CSMD1: variants seen among roughly 807,000 people sequenced by gnomAD.
CSMD1 encodes CUB and Sushi multiple domains 1.
A neutral mutation model predicts 417.5 loss-of-function variants in CSMD1; 213 were observed. That is an observed-to-expected ratio of 0.51 (90% CI 0.46 to 0.57). The LOEUF is 0.57. CSMD1 is among the 20% of genes least tolerant of loss of function. The pLI is 0.00. For missense variants in CSMD1, 6,923 were observed against 4,529.7 expected, an observed-to-expected ratio of 1.53 and a Z score of -15.17; for synonymous variants, 2,862 against 1,736.8, an observed-to-expected ratio of 1.65 and a Z score of -16.11.
At chr8:3,160,000 C>G (rs1245777747) in intron 38 of CSMD1, among the ~76,000 whole-genome samples, 2 of 152,164 alleles carry the variant, frequency 1.3e-5, no homozygotes, top group African/African-American at 4.8e-5. Flanking sequence ...ATGGAGGAAA[C>G]ATGATATTTA....
chr8:3,709,738 A>C (rs1801399881), intron 6 of CSMD1, among the ~76,000 whole-genome samples: 1 of 116,148 alleles, frequency 8.6e-6, no homozygotes, highest in Non-Finnish European at 1.7e-5. Context: ...GACTGGAGCT[A>C]AAACACCGGC....
At chr8:3,677,663 A>G (rs954556059) in intron 7 of CSMD1, among the ~76,000 whole-genome samples, 12 of 152,126 alleles carry the variant, frequency 7.9e-5, no homozygotes, top group African/African-American at 2.9e-4. Context: ...AAAGATATCT[A>G]TCCTTTAGGG....
intron 5 of CSMD1, among the ~76,000 whole-genome samples, chr8:3,980,265 G>T (rs1282352350): frequency 6.6e-6 from 1 of 152,170 alleles, no homozygotes; most frequent in African/African-American, 2.4e-5. Context: ...GGGAAAAGCT[G>T]AACTAGCATT....
chr8:3,172,804 C>A (rs1440447554), intron 37 of CSMD1, among the ~76,000 whole-genome samples: 1 of 152,192 alleles, frequency 6.6e-6, no homozygotes, highest in Non-Finnish European at 1.5e-5. Flanking sequence ...TGGCAATTGT[C>A]AGTTTCCATT....
chr8:4,321,239 G>T lies in CSMD1; in HGVS notation c.415+98714C>A, dbSNP rs114936811. Among the ~76,000 whole-genome samples the T allele has an allele frequency of 3.6e-3, 555 of 152,232 alleles. 4 individuals carry two copies. The highest frequency in any genetic ancestry group is 0.012 in the African/African-American group (508 of 41,556). ...AACACGTTCATGAGGCGTGCCTACA[G>T]CTAGTCCCTGTGGCCCACTGATCAT... On this transcript the variant is annotated intron_variant, in intron 3 of 69. Coordinates refer to ENST00000635120, the MANE Select transcript of CSMD1 (RefSeq NM_033225.6).
intron 1 of CSMD1, among the ~76,000 whole-genome samples, chr8:4,845,551 A>G (rs959252181): frequency 2.0e-5 from 3 of 152,238 alleles, no homozygotes; most frequent in Non-Finnish European, 4.4e-5. Flanking sequence ...ACTTTGGCCT[A>G]CGTGGTTTCT....
intron 5 of CSMD1, among the ~76,000 whole-genome samples, chr8:3,925,517 C>T (rs1329110924): frequency 6.6e-6 from 1 of 152,166 alleles, no homozygotes; most frequent in Non-Finnish European, 1.5e-5. Context: ...GCTGGGTCCC[C>T]ACTCAAAACT....
chr8:4,956,625 A>T (rs147988091), intron 1 of CSMD1, among the ~76,000 whole-genome samples: 314 of 151,856 alleles, frequency 2.1e-3, no homozygotes, highest in African/African-American at 7.3e-3. Context: ...AATATATGTA[A>T]ATGCAGAAAA....
At chr8:4,069,947 C>G (rs779236569) in intron 3 of CSMD1, among the ~76,000 whole-genome samples, 27 of 151,878 alleles carry the variant, frequency 1.8e-4, no homozygotes, top group Admixed American at 9.2e-4. Context: ...ATTATTTTTT[C>G]TGTTTGTCTT....
intron 65 of CSMD1, among the ~76,000 whole-genome samples, chr8:2,952,325 A>T (rs936250082): frequency 2.6e-5 from 4 of 152,176 alleles, no homozygotes; most frequent in Admixed American, 1.3e-4. Context: ...TAATGAGGAC[A>T]AAAGTATATT....
chr8:3,299,458 A>G (rs1235581150), intron 25 of CSMD1, among the ~76,000 whole-genome samples: 4 of 152,194 alleles, frequency 2.6e-5, no homozygotes. Context: ...GTCTCAAAAA[A>G]AAAGGAATGC....
At chr8:3,952,077 T>A (rs1811634294) in intron 5 of CSMD1, among the ~76,000 whole-genome samples, 1 of 152,316 alleles carries the variant, frequency 6.6e-6, no homozygotes, top group East Asian at 1.9e-4. Context: ...GTTGTTTGAA[T>A]AAAAATAAAA....
chr8:4,045,079 G>A (rs1009831988), intron 3 of CSMD1, among the ~76,000 whole-genome samples: 2 of 152,142 alleles, frequency 1.3e-5, no homozygotes, highest in African/African-American at 2.4e-5. Context: ...GTATGGTGTG[G>A]AGGCCACAGA....
chr8:4,767,954 G>C (rs767364196), intron 1 of CSMD1, among the ~76,000 whole-genome samples: 1 of 152,042 alleles, frequency 6.6e-6, no homozygotes, highest in Non-Finnish European at 1.5e-5. Flanking sequence ...CTTCGTACTC[G>C]AGGGCGTGGG....
At chr8:4,009,061 TATC>T (rs1305502023) in intron 4 of CSMD1, among the ~76,000 whole-genome samples, 12 of 152,330 alleles carry the variant, frequency 7.9e-5, no homozygotes, top group African/African-American at 2.9e-4. Flanking sequence ...TTTATTGAGT[TATC>T]ATAAAATTCT....
chr8:4,236,035 G>GTTTTTTTTTTTTTTTTTTTTTTTTTTT (rs869046913), intron 3 of CSMD1, among the ~76,000 whole-genome samples: 1 of 112,614 alleles, frequency 8.9e-6, no homozygotes, highest in African/African-American at 3.9e-5. Context: ...TGTTTTTTTT[G>GTTTTTTTTTTTTTTTTTTTTTTTTTTT]TTTGTTTTTT....
intron 2 of CSMD1, among the ~76,000 whole-genome samples, chr8:4,433,988 G>T (rs559674997): frequency 6.6e-6 from 1 of 152,128 alleles, no homozygotes; most frequent in Non-Finnish European, 1.5e-5. Context: ...TTTCTCTTCA[G>T]CCTCAAGATT....
chr8:4,271,378 A>G (rs1027076444), intron 3 of CSMD1, among the ~76,000 whole-genome samples: 2 of 152,108 alleles, frequency 1.3e-5, no homozygotes, highest in Admixed American at 6.5e-5. Flanking sequence ...TAAATAAATA[A>G]AAGTTTAAAA....
Position 3,753,959 on chromosome 8 carries a change from C to T in CSMD1, c.902G>A (p.Arg301Gln), listed in dbSNP as rs573237339. The change falls in exon 6 of 70, where the codon CGA becomes CAA. Residue 301 changes from arginine (R) to glutamine (Q), a missense_variant. Transcript: ENST00000635120. ...GAACTGAGCGTTAAATCCTTTGCGT[C>T]GGTGGTTGCTGTCAGAGGTGAAATG... is the stretch of plus-strand genomic sequence containing the variant. ...RLHFTSDSNH[R>Q]RKGFNAQFQV... 5.1e-5 allele frequency: 82 copies of T among 1,611,576 alleles called. No homozygotes were observed. In the South Asian group the frequency reaches 5.2e-4, roughly 10 times the overall value.
Sources: allele counts gnomAD v4.1 joint callset (sites outside exome capture counted in the v4.1 genomes callset), GRCh38; gene constraint gnomAD v4.1.1; transcripts MANE v1.5; gene names NCBI Gene and HGNC (gene_info 2026-07-23, HGNC 2026-07-21).